Variants in ALAS1 observed in about 807,000 individuals in gnomAD.
ALAS1 encodes the protein 5-aminolevulinate synthase, non-specific, mitochondrial.
In ALAS1, 29 loss-of-function variants were observed where a neutral mutation model predicts 59.6. The ratio of observed to expected loss-of-function variants is 0.49; its 90% CI spans 0.36 to 0.66. The LOEUF is 0.66. Ranked by LOEUF, ALAS1 falls within the 30% of genes least tolerant of loss-of-function variation. ALAS1 has a pLI of 0.00. For missense variants in ALAS1, 690 were observed against 807.5 expected (o/e 0.85, Z 1.76); for synonymous variants, 299 against 296.6 (o/e 1.01, Z -0.08).
chr3:52,208,694 C>G (rs1262738578), intron 9 of ALAS1, among the ~76,000 whole-genome samples: 1 of 152,220 alleles, frequency 6.6e-6, no homozygotes, highest in African/African-American at 2.4e-5. Context: ...CTTCCTCATA[C>G]AGAGGCTATG....
intron 6 of ALAS1, 136 bp downstream of exon 6, chr3:52,205,051 T>C: frequency 1.4e-6 from 1 of 736,420 alleles, no homozygotes; most frequent in South Asian, 1.8e-5. Flanking sequence ...TCTTAGCTTC[T>C]GAAAAATATC....
chr3:52,212,196 G>A, intron 10 of ALAS1, 62 bp from the exon 11 acceptor site: 2 of 1,491,512 alleles, frequency 1.3e-6, no homozygotes, highest in South Asian at 1.2e-5. Context: ...CGTTCGTTAG[G>A]ATCTCTGCTA....
intron 10 of ALAS1, 108 bp from the exon 11 acceptor site, chr3:52,212,150 A>G: frequency 1.0e-6 from 1 of 964,438 alleles, no homozygotes; most frequent in Non-Finnish European, 1.6e-6. Flanking sequence ...ATGTGTTGCT[A>G]CAGTCTGGTC....
chr3:52,209,136 A>G (rs925574852), intron 9 of ALAS1, among the ~76,000 whole-genome samples: 3 of 152,330 alleles, frequency 2.0e-5, no homozygotes, highest in Admixed American at 2.0e-4. Flanking sequence ...AAAGCCTGGG[A>G]GTTCTAAGGG....
rs182395582 is a variant in ALAS1 at position 52,199,364 on chromosome 3, C to T, written c.123C>T (p.Ala41=). Reference sequence around the variant, plus strand: ...GCCCCAAGATGATGGAAGTTGGGGCCAAGCCAGCCCCTCGGGCATTGTCCA... The same window carrying T: ...GCCCCAAGATGATGGAAGTTGGGGCTAAGCCAGCCCCTCGGGCATTGTCCA... ...QNCPKMMEVG[A]KPAPRALSTA... The change falls in exon 3 of 12, where the codon GCC becomes GCT. Residue 41 remains alanine (A), a synonymous_variant. Coordinates refer to ENST00000484952, the MANE Select transcript of ALAS1 (RefSeq NM_000688.6). The T allele has an allele frequency of 5.0e-6, 8 of 1,613,540 alleles. No individual in the cohort carries two copies. In the East Asian group the frequency reaches 1.8e-4, roughly 36 times the overall value.
intron 8 of ALAS1, among the ~76,000 whole-genome samples, chr3:52,207,225 G>C (rs890929234): frequency 1.3e-5 from 2 of 151,740 alleles, no homozygotes; most frequent in Non-Finnish European, 1.5e-5. Flanking sequence ...GGATGGTCTC[G>C]ATCTACTGAC....
At chr3:52,206,832 G>A in intron 8 of ALAS1, 81 bp downstream of exon 8, 3 of 1,464,552 alleles carry the variant, frequency 2.0e-6, no homozygotes, top group South Asian at 1.3e-5. Flanking sequence ...GTTTTGTTGT[G>A]TTTTTTAATT....
In ALAS1 at chr3:52,202,786, C is replaced by G. The variant is rs1343161293; in HGVS notation, c.427+52C>G. 3 of 1,538,112 alleles carry G rather than the reference C, an allele frequency of 2.0e-6. No homozygotes were observed. The African/African-American group carries it at 4.1e-5, about 21-fold the overall frequency. ...TGGTAGTGAAGGGGTCCTTTTAGTT[C>G]TTTTGGGCCCTCAGATTTGTGTATG... On this transcript the variant is annotated intron_variant, in intron 4 of 11. Transcript: ENST00000484952.
Position 52,203,848 on chromosome 3 carries a change from T to C in ALAS1, c.428-15T>C. The stretch of plus-strand genomic sequence containing the variant: ...GAAAGTTGGTCCCATTTGTTTCTTG[T>C]TACTTTTGTTCCAGAGGTTGCTGAA... On this transcript the variant is annotated splice_polypyrimidine_tract_variant and intron_variant, in intron 4 of 11. Coordinates refer to ENST00000484952, the MANE Select transcript of ALAS1 (RefSeq NM_000688.6). 2 of 1,562,788 alleles carry C rather than the reference T, an allele frequency of 1.3e-6. No homozygotes were observed. Among genetic ancestry groups the C allele is most frequent in the Admixed American group, 2.0e-5 (1 of 49,616 alleles).
intron 3 of ALAS1, among the ~76,000 whole-genome samples, chr3:52,199,726 C>G (rs1379015752): frequency 6.6e-6 from 1 of 152,230 alleles, no homozygotes; most frequent in African/African-American, 2.4e-5. Flanking sequence ...GTGCCTCGTT[C>G]ACATAAATAT....
chr3:52,200,138 A>AT (rs987504042), intron 3 of ALAS1, among the ~76,000 whole-genome samples: 28 of 150,560 alleles, frequency 1.9e-4, no homozygotes, highest in Non-Finnish European at 3.1e-4. Context: ...TAAAGTAGTG[A>AT]TTTTTTTTTT....
In ALAS1 at chr3:52,203,982, T is replaced by C; in HGVS notation, c.547T>C (p.Ser183Pro). Residue 183 changes from serine (S) to proline (P), a missense_variant, in exon 5 of 12, where the codon TCT becomes CCT. Physicochemically the swap from Ser to Pro is moderately conservative, Grantham distance 74 (BLOSUM62 -1). Transcript: ENST00000484952. ...GCAAAAGCAAAGACCAGAAAGAGTG[T>C]CTCATCTTCTTCAAGATAACTTGCC... is the stretch of plus-strand genomic sequence containing the variant. ...IMQKQRPERVSHLLQDNLPKS... is the reference protein window; with the variant it reads ...IMQKQRPERVPHLLQDNLPKS... 6.2e-7 allele frequency: 1 copy of C among 1,610,882 alleles called. No homozygotes were observed. Among genetic ancestry groups the C allele is most frequent in the South Asian group, 1.1e-5 (1 of 90,458 alleles).
intron 7 of ALAS1, among the ~76,000 whole-genome samples, 185 bp from the exon 8 acceptor site, chr3:52,206,387 C>T (rs1699291857): frequency 6.6e-6 from 1 of 152,184 alleles, no homozygotes; most frequent in Non-Finnish European, 1.5e-5. Context: ...TTATTCTACA[C>T]CTTTGGGCCT....
Position 52,214,011 on chromosome 3 carries a change from T to A in ALAS1, c.1763-9T>A, listed in dbSNP as rs1428409795. ...CTCCCTTTAATATTTAAAAACTGTT[T>A]CTCCTCAGAGAATCTGCTAGTCACA... is the stretch of plus-strand genomic sequence containing the variant. On this transcript the variant is annotated splice_polypyrimidine_tract_variant and intron_variant, in intron 11 of 11. Transcript: ENST00000484952. 3 of 1,593,790 alleles carry A rather than the reference T, an allele frequency of 1.9e-6. No individual in the cohort carries two copies. The highest frequency in any genetic ancestry group is 8.6e-7 in the Non-Finnish European group (1 of 1,163,356).
At chr3:52,207,425 C>A (rs533785697) in intron 8 of ALAS1, among the ~76,000 whole-genome samples, 8 of 152,114 alleles carry the variant, frequency 5.3e-5, no homozygotes, top group African/African-American at 1.9e-4. Context: ...CGTGAGCCAC[C>A]GCGCCTGGCC....
Position 52,198,800 on chromosome 3 carries a change from A to G in ALAS1, c.-81A>G. ...GGACCAGGAGAAAGTCAGGATCCCT[A>G]AGAGTCTTCCCTGCCTGGATGGATG... On this transcript the variant is annotated 5_prime_UTR_variant, in exon 2 of 12. It removes the in-frame stop codon of an upstream open reading frame in the 5' UTR. Transcript: ENST00000484952. The G allele has an allele frequency of 1.3e-6, 2 of 1,535,576 alleles. No homozygotes were observed. Among genetic ancestry groups the G allele is most frequent in the Non-Finnish European group, 1.7e-6 (2 of 1,146,802 alleles).
chr3:52,214,091 T>G lies in ALAS1; in HGVS notation c.1834T>G (p.Cys612Gly), dbSNP rs769097330. Residue 612 changes from cysteine (C) to glycine (G), a missense_variant, in exon 12 of 12, where the codon TGC becomes GGC. Coordinates refer to ENST00000484952, the MANE Select transcript of ALAS1 (RefSeq NM_000688.6). Reference protein sequence around the residue: ...KPHSSAECNFCRRPLHFEVMS... With the variant: ...KPHSSAECNFGRRPLHFEVMS... ...TCATTCCTCAGCTGAGTGCAACTTC[T>G]GCAGGAGGCCACTGCATTTTGAAGT... The G allele has an allele frequency of 1.9e-6, 3 of 1,614,032 alleles. No homozygotes were observed. In the East Asian group the frequency reaches 6.7e-5, roughly 36 times the overall value.
Position 52,208,154 on chromosome 3 carries a change from G to A in ALAS1, c.1237G>A (p.Val413Ile), listed in dbSNP as rs1346216368. 1 of 1,612,942 alleles carries A rather than the reference G, an allele frequency of 6.2e-7. No individual in the cohort carries two copies. The highest frequency in any genetic ancestry group is 1.7e-5 in the Admixed American group (1 of 59,920). ...EFGAITFVDE[V>I]HAVGLYGARG... ...TGGAGCAATCACCTTCGTGGATGAG[G>A]TCCACGCAGTGGGGCTTTATGGGGC... is the stretch of plus-strand genomic sequence containing the variant. Residue 413 changes from valine (V) to isoleucine (I), a missense_variant, in exon 9 of 12, where the codon GTC becomes ATC. By Grantham distance (29) the Val-to-Ile change is conservative (BLOSUM62 3). Transcript: ENST00000484952.
In ALAS1 at chr3:52,199,309, G is replaced by A; in HGVS notation, c.68G>A (p.Gly23Asp). 6.2e-7 allele frequency: 1 copy of A among 1,614,178 alleles called. No individual in the cohort carries two copies. Among genetic ancestry groups the A allele is most frequent in the South Asian group, 1.1e-5 (1 of 91,084 alleles). ...RVPQAFLQKA[G>D]KSLLFYAQNC... Reference sequence around the variant, plus strand: ...CCCCAGGCCTTTCTGCAGAAAGCAGGCAAATCTCTGTTGTTCTATGCCCAA... The same window carrying A: ...CCCCAGGCCTTTCTGCAGAAAGCAGACAAATCTCTGTTGTTCTATGCCCAA... Residue 23 changes from glycine to aspartate, a missense_variant, in exon 3 of 12, where the codon GGC becomes GAC. Coordinates refer to ENST00000484952, the MANE Select transcript of ALAS1 (RefSeq NM_000688.6).
Sources: allele counts gnomAD v4.1 joint callset (sites outside exome capture counted in the v4.1 genomes callset), GRCh38; gene constraint gnomAD v4.1.1; transcripts MANE v1.5; gene names NCBI Gene and HGNC (gene_info 2026-07-23, HGNC 2026-07-21).